FREM3: variants seen among roughly 807,000 people sequenced by gnomAD.
FREM3 encodes the protein FRAS1-related extracellular matrix protein 3.
FREM3 carries 105 observed loss-of-function variants against 129.1 expected under a neutral mutation model. The ratio of observed to expected loss-of-function variants is 0.81; its 90% CI spans 0.69 to 0.96. The LOEUF (loss-of-function observed/expected upper bound fraction) is 0.96, where lower values mean the gene tolerates loss of function less well. FREM3 is among the 40% of genes least tolerant of loss of function. FREM3 has a pLI of 0.00. For missense variants in FREM3, 2,593 were observed against 2,666.3 expected, an observed-to-expected ratio of 0.97 and a Z score of 0.61; for synonymous variants, 1,014 against 1,044.9, an observed-to-expected ratio of 0.97 and a Z score of 0.57.
chr4:143,616,644 T>C (rs1738854939), intron 5 of FREM3, among the ~76,000 whole-genome samples: 2 of 151,708 alleles, frequency 1.3e-5, no homozygotes, highest in African/African-American at 4.8e-5. Context: ...AAAAAGAAAA[T>C]TAGCCGGGCG....
chr4:143,619,875 TA>T (rs545318714), intron 5 of FREM3, among the ~76,000 whole-genome samples: 221 of 148,272 alleles, frequency 1.5e-3, no homozygotes, highest in Non-Finnish European at 2.6e-3. Context: ...GGGTATTATT[TA>T]AAAAAAAAAC....
At chr4:143,580,829 T>C (rs1361156323) in intron 7 of FREM3, among the ~76,000 whole-genome samples, 2 of 152,196 alleles carry the variant, frequency 1.3e-5, no homozygotes, top group Non-Finnish European at 2.9e-5. Flanking sequence ...GATTGAGAAC[T>C]AATGTAACCC....
chr4:143,618,235 A>G (rs1258443504), intron 5 of FREM3, among the ~76,000 whole-genome samples: 6 of 152,050 alleles, frequency 3.9e-5, no homozygotes, highest in Admixed American at 1.3e-4. Context: ...TTAGCTTCTC[A>G]TAAGATTCCC....
chr4:143,677,873 TAA>T (rs1328077124), intron 2 of FREM3, among the ~76,000 whole-genome samples: 1 of 152,160 alleles, frequency 6.6e-6, no homozygotes, highest in Non-Finnish European at 1.5e-5. Context: ...TGGCTATCAT[TAA>T]AAAGTCAGGA....
chr4:143,687,046 AT>A (rs924395759), intron 2 of FREM3, among the ~76,000 whole-genome samples: 4 of 152,018 alleles, frequency 2.6e-5, no homozygotes, highest in African/African-American at 9.7e-5. Flanking sequence ...CAAAAAATAT[AT>A]TTTTTTCAAA....
intron 6 of FREM3, among the ~76,000 whole-genome samples, chr4:143,595,546 G>C (rs1414171376): frequency 6.6e-6 from 1 of 152,130 alleles, no homozygotes; most frequent in Non-Finnish European, 1.5e-5. Flanking sequence ...CTCCACACCA[G>C]TTCCTTCTTT....
intron 6 of FREM3, among the ~76,000 whole-genome samples, chr4:143,596,248 A>T (rs1338994946): frequency 1.3e-5 from 2 of 152,250 alleles, no homozygotes; most frequent in Non-Finnish European, 2.9e-5. Flanking sequence ...TTTTCTGCAC[A>T]TCTGTCCAGT....
chr4:143,617,302 G>T (rs1011903840), intron 5 of FREM3, among the ~76,000 whole-genome samples: 1 of 152,006 alleles, frequency 6.6e-6, no homozygotes, highest in South Asian at 2.1e-4. Flanking sequence ...TGGTAGATGC[G>T]TCTAGATGCT....
intron 4 of FREM3, among the ~76,000 whole-genome samples, chr4:143,623,906 A>G (rs1430494929): frequency 2.0e-5 from 3 of 152,178 alleles, no homozygotes. Context: ...GATCCTCTCT[A>G]TTTTAATCGT....
Position 143,652,458 on chromosome 4 carries a change from G to A in FREM3, c.5276-24698C>T, listed in dbSNP as rs1336888220. ...ATTACAGGCGTGAGCCACCGCGCCCGGCCCTTTTTCCTTTCTTAAAAAAAG... is the reference window on the plus strand; with the variant it reads ...ATTACAGGCGTGAGCCACCGCGCCCAGCCCTTTTTCCTTTCTTAAAAAAAG... On this transcript the variant is annotated intron_variant, in intron 2 of 7. Transcript: ENST00000329798. Among the ~76,000 whole-genome samples the A allele has an allele frequency of 1.8e-4, 7 of 39,728 alleles. 3 individuals are homozygous for A. The highest frequency in any genetic ancestry group is 3.9e-4 in the African/African-American group (7 of 18,086). The allele number at this position is 39,728 out of a possible 152,430, so 26.1% of individuals were successfully genotyped here. A position where few individuals can be genotyped will look rare whatever the true frequency, so the allele number is the denominator to read the frequency against.
rs576361935 is a variant in FREM3, at chr4:143,620,944, T to C, written c.5779+93A>G. On this transcript the variant is annotated intron_variant, in intron 5 of 7. Transcript: ENST00000329798. ...GCCCAGGCATCCAGCATCTTAACTC[T>C]GCTTTGCTCACCCTCTGTGGTACTC... The C allele has an allele frequency of 1.3e-4, 160 of 1,279,660 alleles. No individual in the cohort carries two copies. The African/African-American group carries it at 2.1e-3, about 17-fold the overall frequency. 79.3% of individuals were successfully genotyped at this position (1,279,660 alleles called of 1,614,324 possible).
In FREM3 at chr4:143,587,307, A is replaced by G. The variant is rs1046574969; in HGVS notation, c.6029-1314T>C. On this transcript the variant is annotated intron_variant, in intron 6 of 7. Transcript: ENST00000329798. ...ATATTTATTTCCTCAATAAATAATC[A>G]TTCTTCACTCTGTGCTTCCCTAACA... 3.3e-5 allele frequency among the ~76,000 whole-genome samples: 5 copies of G among 152,222 alleles called. No individual in the cohort carries two copies. The East Asian group carries it at 9.6e-4, about 29-fold the overall frequency.
intron 2 of FREM3, among the ~76,000 whole-genome samples, chr4:143,685,154 A>C (rs1740337078): frequency 1.3e-5 from 2 of 152,122 alleles, no homozygotes; most frequent in Non-Finnish European, 2.9e-5. Flanking sequence ...CACAAAGAAC[A>C]CCTGAGAAAA....
At chr4:143,661,979 T>C (rs1739735556) in intron 2 of FREM3, among the ~76,000 whole-genome samples, 1 of 152,068 alleles carries the variant, frequency 6.6e-6, no homozygotes, top group Admixed American at 6.5e-5. Flanking sequence ...TTCTTCTCTC[T>C]TTTTTTCTTT....
At chr4:143,592,720 T>G (rs1738389152) in intron 6 of FREM3, among the ~76,000 whole-genome samples, 1 of 152,206 alleles carries the variant, frequency 6.6e-6, no homozygotes, top group Non-Finnish European at 1.5e-5. Context: ...TTATGTATCT[T>G]GGAGTTGCTC....
chr4:143,578,468 A>G (rs573192673), intron 7 of FREM3, among the ~76,000 whole-genome samples: 10 of 152,342 alleles, frequency 6.6e-5, no homozygotes, highest in African/African-American at 2.2e-4. Flanking sequence ...TATAAATATA[A>G]AAATAAATCG....
intron 2 of FREM3, among the ~76,000 whole-genome samples, chr4:143,669,092 A>G (rs1739919367): frequency 6.6e-6 from 1 of 152,144 alleles, no homozygotes; most frequent in South Asian, 2.1e-4. Flanking sequence ...TAAAAGTGGC[A>G]GTGGTTTCAT....
At chr4:143,644,205 G>A (rs903978074) in intron 2 of FREM3, among the ~76,000 whole-genome samples, 30 of 151,914 alleles carry the variant, frequency 2.0e-4, no homozygotes, top group Admixed American at 1.4e-3. Context: ...GTGTGTGCGC[G>A]TGTGCATTTG....
rs1740561921 is a variant in FREM3 at position 143,696,094 on chromosome 4, T to A, written c.4582A>T (p.Ile1528Phe). ...ELYPVFRTFRIFITDVDNKKP... is the reference protein window; with the variant it reads ...ELYPVFRTFRFFITDVDNKKP... ...TTATTATCCACATCAGTGATGAAGA[T>A]CCTGAAGGTTCTGAACACAGGGTAG... Residue 1528 changes from isoleucine (I) to phenylalanine (F), a missense_variant, in exon 1 of 8, where the codon ATC becomes TTC. By Grantham distance (21) the Ile-to-Phe change is conservative. Coordinates refer to ENST00000329798, the MANE Select transcript of FREM3 (RefSeq NM_001168235.2). 6.5e-7 allele frequency: 1 copy of A among 1,537,414 alleles called. No homozygotes were observed. The highest frequency in any genetic ancestry group is 1.2e-5 in the South Asian group (1 of 84,066).
Sources: allele counts gnomAD v4.1 joint callset (sites outside exome capture counted in the v4.1 genomes callset), GRCh38; gene constraint gnomAD v4.1.1; transcripts MANE v1.5; gene names NCBI Gene and HGNC (gene_info 2026-07-23, HGNC 2026-07-21).